ROBO2: variants seen among roughly 807,000 people sequenced by gnomAD.
The protein encoded by ROBO2 is roundabout guidance receptor 2, also known as roundabout homolog 2.
A neutral mutation model predicts 160.8 loss-of-function variants in ROBO2; 53 were observed. The ratio of observed to expected loss-of-function variants is 0.33; its 90% CI spans 0.26 to 0.41. The LOEUF (loss-of-function observed/expected upper bound fraction) is 0.41, where lower values mean the gene tolerates loss of function less well. ROBO2 is among the 10% of genes least tolerant of loss of function. The pLI is 1.00. For synonymous variants in ROBO2, 664 were observed against 611.7 expected (o/e 1.09, Z -1.26); for missense variants, 1,577 against 1,722.4 (o/e 0.92, Z 1.49).
intron 2 of ROBO2, among the ~76,000 whole-genome samples, chr3:76,187,067 TA>T (rs5850236): frequency 1.3e-5 from 2 of 150,416 alleles, no homozygotes; most frequent in East Asian, 2.0e-4. Context: ...TTTCAAGACT[TA>T]AAAAAAAAAC....
intron 2 of ROBO2, among the ~76,000 whole-genome samples, chr3:77,196,570 A>G (rs1309210674): frequency 1.3e-5 from 2 of 152,044 alleles, no homozygotes; most frequent in Non-Finnish European, 2.9e-5. Context: ...TTTAAAACCT[A>G]ATTAATGTGT....
intron 1 of ROBO2, among the ~76,000 whole-genome samples, chr3:75,927,012 G>T (rs578220177): frequency 6.6e-6 from 1 of 152,212 alleles, no homozygotes; most frequent in South Asian, 2.1e-4. Flanking sequence ...TATCATTTGA[G>T]TACGCTCTCT....
chr3:76,987,515 T>A (rs2060446882), intron 2 of ROBO2, among the ~76,000 whole-genome samples: 1 of 152,284 alleles, frequency 6.6e-6, no homozygotes, highest in South Asian at 2.1e-4. Context: ...TCACAAAATA[T>A]AACTCAAAAC....
At chr3:76,226,059 A>G (rs1377384365) in intron 2 of ROBO2, among the ~76,000 whole-genome samples, 1 of 152,212 alleles carries the variant, frequency 6.6e-6, no homozygotes, top group Non-Finnish European at 1.5e-5. Flanking sequence ...TAAATAGCTT[A>G]TCCTGAGCAT....
intron 2 of ROBO2, among the ~76,000 whole-genome samples, chr3:76,314,704 C>G (rs1476688869): frequency 1.3e-5 from 2 of 152,010 alleles, no homozygotes; most frequent in African/African-American, 2.4e-5. Flanking sequence ...TTTCTTTTCC[C>G]TAGCTTACTT....
intron 2 of ROBO2, among the ~76,000 whole-genome samples, chr3:77,387,091 T>A (rs1351522608): frequency 6.6e-6 from 1 of 151,978 alleles, no homozygotes; most frequent in Non-Finnish European, 1.5e-5. Context: ...CTCGGCCCCA[T>A]TCATGAAAAA....
chr3:76,636,868 G>A (rs185430230), intron 2 of ROBO2, among the ~76,000 whole-genome samples: 2 of 152,096 alleles, frequency 1.3e-5, no homozygotes, highest in Admixed American at 1.3e-4. Flanking sequence ...AATATCTTCC[G>A]ATGTCCCGTA....
At chr3:75,910,302 G>C (rs879706970) in intron 1 of ROBO2, among the ~76,000 whole-genome samples, 6 of 152,160 alleles carry the variant, frequency 3.9e-5, no homozygotes, top group Non-Finnish European at 7.4e-5. Flanking sequence ...TCTTGCTAAA[G>C]GAGTGTCATC....
upstream of ROBO2, among the ~76,000 whole-genome samples, chr3:77,039,564 CG>C (rs1186784235): frequency 1.3e-5 from 2 of 152,140 alleles, no homozygotes; most frequent in African/African-American, 4.8e-5. Context: ...CCCGGGGGCG[CG>C]GAGAAGGGGA....
chr3:76,372,696 G>A (rs2076163351), intron 2 of ROBO2, among the ~76,000 whole-genome samples: 2 of 152,030 alleles, frequency 1.3e-5, no homozygotes, highest in African/African-American at 2.4e-5. Flanking sequence ...TGGTCGTCAT[G>A]GGAGTGGGAT....
At chr3:76,700,825 G>A (rs141026104) in intron 2 of ROBO2, among the ~76,000 whole-genome samples, 1 of 152,172 alleles carries the variant, frequency 6.6e-6, no homozygotes, top group Non-Finnish European at 1.5e-5. Flanking sequence ...TCTCTACCCA[G>A]TCAGTCTTAC....
chr3:77,021,157 C>A (rs1332759371), intron 2 of ROBO2, among the ~76,000 whole-genome samples: 1 of 152,006 alleles, frequency 6.6e-6, no homozygotes, highest in Non-Finnish European at 1.5e-5. Context: ...GCTATAACTG[C>A]ACCATTGCAC....
chr3:76,572,940 A>C (rs1332428084), intron 2 of ROBO2, among the ~76,000 whole-genome samples: 2 of 152,162 alleles, frequency 1.3e-5, no homozygotes, highest in African/African-American at 4.8e-5. Flanking sequence ...GTCTTTTGCT[A>C]CTGACAGCAT....
chr3:76,112,835 T>A (rs2070297457), intron 2 of ROBO2, among the ~76,000 whole-genome samples: 1 of 152,130 alleles, frequency 6.6e-6, no homozygotes, highest in South Asian at 2.1e-4. Context: ...AGTATTTATA[T>A]GGTTCTATTT....
At chr3:76,934,688 C>T (rs1412997860) in intron 2 of ROBO2, among the ~76,000 whole-genome samples, 2 of 152,038 alleles carry the variant, frequency 1.3e-5, no homozygotes, top group African/African-American at 4.8e-5. Flanking sequence ...TTGCAGTGAG[C>T]CGAGATATAC....
At chr3:77,010,729 C>T (rs958738701) in intron 2 of ROBO2, among the ~76,000 whole-genome samples, 8 of 152,172 alleles carry the variant, frequency 5.3e-5, no homozygotes, top group Middle Eastern at 6.8e-3. Flanking sequence ...ACTAAAACAA[C>T]GCTGGAATCC....
At position 76,952,268 on chromosome 3, in the gene ROBO2, C is replaced by G. The variant is rs192939612; in HGVS notation, c.110-145746C>G. 1.7e-3 allele frequency among the ~76,000 whole-genome samples: 257 copies of G among 152,082 alleles called. 1 individual carries two copies. Among genetic ancestry groups the G allele is most frequent in the African/African-American group, 5.2e-3 (216 of 41,520 alleles). ...TGATAAAGCAACTCCTGCATTGTAA[C>G]CTATTTTTATTTTTATTTTTATTTT... On this transcript the variant is annotated intron_variant, in intron 2 of 26. Transcript: ENST00000487694.
chr3:77,234,885 G>A (rs76496853), intron 2 of ROBO2, among the ~76,000 whole-genome samples: 159 of 152,290 alleles, frequency 1.0e-3, no homozygotes, highest in African/African-American at 3.6e-3. Context: ...TTAATGCTCA[G>A]GTGGGTGATG....
chr3:77,373,219 A>G (rs1001271456), intron 2 of ROBO2, among the ~76,000 whole-genome samples: 1 of 148,684 alleles, frequency 6.7e-6, no homozygotes, highest in African/African-American at 2.4e-5. Context: ...TAATTAAAAT[A>G]TTACAATAAA....
Sources: gnomAD v4.1 joint callset for allele counts (sites outside exome capture counted in the v4.1 genomes callset) on GRCh38, gnomAD v4.1.1 for gene constraint, MANE v1.5 for transcripts, NCBI Gene and HGNC (gene_info 2026-07-23, HGNC 2026-07-21) for gene names.